NCKAP5: variants seen among roughly 807,000 people sequenced by gnomAD.
NCKAP5 encodes NCK associated protein 5.
NCKAP5 carries 92 observed loss-of-function variants against 167.0 expected under a neutral mutation model. That is an observed-to-expected ratio of 0.55 (90% confidence interval 0.47 to 0.66). The LOEUF is 0.66. Among genes scored for constraint, NCKAP5 ranks in the 30% least tolerant of loss-of-function variants. The pLI is 0.00. For missense variants in NCKAP5, 2,378 were observed against 2,315.0 expected (o/e 1.03, Z -0.56); for synonymous variants, 891 against 877.4 (o/e 1.02, Z -0.27).
chr2:133,426,464 G>C (rs1263755945), intron 3 of NCKAP5, among the ~76,000 whole-genome samples: 2 of 141,460 alleles, frequency 1.4e-5, no homozygotes, highest in Non-Finnish European at 3.1e-5. Context: ...AAAAGACATA[G>C]AGGGGCTATT....
intron 8 of NCKAP5, among the ~76,000 whole-genome samples, chr2:132,961,188 A>T (rs2149195133): frequency 6.6e-6 from 1 of 152,166 alleles, no homozygotes; most frequent in East Asian, 1.9e-4. Context: ...TTCCTACAAT[A>T]ATGTTTAACC....
rs972980479 is a variant in NCKAP5, at chr2:132,975,340, G to A, written c.430-11471C>T. Among the ~76,000 whole-genome samples, 9 of 151,986 alleles carry A rather than the reference G, an allele frequency of 5.9e-5. 1 individual carries two copies. In the South Asian group the frequency reaches 8.3e-4, roughly 14 times the overall value. ...CTTTATGTCTGTAATATGAACCCACGACCACTGACATATCAATCCACATCT... is the reference window on the plus strand; with the variant it reads ...CTTTATGTCTGTAATATGAACCCACAACCACTGACATATCAATCCACATCT... On this transcript the variant is annotated intron_variant, in intron 7 of 19. Coordinates refer to ENST00000409261, the MANE Select transcript of NCKAP5 (RefSeq NM_207363.3).
chr2:133,274,388 A>G (rs1395623976), intron 4 of NCKAP5, among the ~76,000 whole-genome samples: 1 of 152,066 alleles, frequency 6.6e-6, no homozygotes, highest in East Asian at 1.9e-4. Flanking sequence ...AAAAGAATGG[A>G]GTAAATAGTA....
At chr2:133,338,106 T>A (rs187562544) in intron 3 of NCKAP5, among the ~76,000 whole-genome samples, 3 of 152,024 alleles carry the variant, frequency 2.0e-5, no homozygotes, top group Non-Finnish European at 2.9e-5. Flanking sequence ...AGCTGAATTA[T>A]ATGGGTCTAT....
At chr2:132,769,800 C>G (rs371643333) in intron 16 of NCKAP5, among the ~76,000 whole-genome samples, 1 of 152,186 alleles carries the variant, frequency 6.6e-6, no homozygotes, top group East Asian at 1.9e-4. Flanking sequence ...TATGGGGGAA[C>G]TCTAGTGATG....
intron 3 of NCKAP5, among the ~76,000 whole-genome samples, chr2:133,435,898 C>A (rs545784322): frequency 2.4e-4 from 37 of 152,280 alleles, no homozygotes; most frequent in East Asian, 5.8e-4. Context: ...CTTTCCATGG[C>A]TGACCTTGAG....
chr2:133,635,181 T>C, the NCKAP5 span, among the ~76,000 whole-genome samples: 3 of 152,174 alleles, frequency 2.0e-5, no homozygotes, highest in African/African-American at 4.8e-5. Flanking sequence ...GCTGTATTTT[T>C]ATTTTCTAAG....
At chr2:133,149,874 C>T (rs1053561814) in intron 5 of NCKAP5, among the ~76,000 whole-genome samples, 1 of 152,082 alleles carries the variant, frequency 6.6e-6, no homozygotes, top group Non-Finnish European at 1.5e-5. Context: ...ATTAACTGTT[C>T]TATGTTAACA....
intron 4 of NCKAP5, among the ~76,000 whole-genome samples, chr2:133,271,142 C>G: frequency 6.6e-6 from 1 of 150,702 alleles, no homozygotes; most frequent in Non-Finnish European, 1.5e-5. Flanking sequence ...TCGTGTTAGC[C>G]AGGATGGTCT....
chr2:133,454,267 C>T (rs1253500115), intron 3 of NCKAP5, among the ~76,000 whole-genome samples: 1 of 151,930 alleles, frequency 6.6e-6, no homozygotes, highest in Non-Finnish European at 1.5e-5. Flanking sequence ...CTATAAAGCA[C>T]TGGTGACTTA....
At chr2:133,192,905 A>G (rs1221046334) in intron 5 of NCKAP5, among the ~76,000 whole-genome samples, 1 of 152,118 alleles carries the variant, frequency 6.6e-6, no homozygotes, top group Non-Finnish European at 1.5e-5. Context: ...TTGATCTCAG[A>G]GAAATGAAAA....
At position 133,462,647 on chromosome 2, in the gene NCKAP5, T is replaced by C. The variant is rs546785010; in HGVS notation, c.69+54811A>G. 2.6e-5 allele frequency among the ~76,000 whole-genome samples: 4 copies of C among 152,262 alleles called. No individual in the cohort carries two copies. In the South Asian group the frequency reaches 6.2e-4, roughly 24 times the overall value. ...TTACTACTGAGTCTTGTGTGTTATA[T>C]CATACACAGAACTTGGATTTCTTGA... is the stretch of plus-strand genomic sequence containing the variant. On this transcript the variant is annotated intron_variant, in intron 3 of 19. Transcript: ENST00000409261.
At chr2:133,357,877 T>C (rs1029090843) in intron 3 of NCKAP5, among the ~76,000 whole-genome samples, 1 of 152,234 alleles carries the variant, frequency 6.6e-6, no homozygotes, top group Non-Finnish European at 1.5e-5. Flanking sequence ...TTTCTACAGA[T>C]AGAATTTCAT....
chr2:133,668,750 T>C, the NCKAP5 span, among the ~76,000 whole-genome samples: 2 of 152,232 alleles, frequency 1.3e-5, no homozygotes, highest in African/African-American at 4.8e-5. Flanking sequence ...TGTAGATGTA[T>C]ATCTTTCATC....
intron 4 of NCKAP5, among the ~76,000 whole-genome samples, chr2:133,273,928 C>G (rs1442501437): frequency 3.3e-5 from 5 of 150,122 alleles, no homozygotes; most frequent in African/African-American, 1.2e-4. Context: ...TTTCACCTCC[C>G]CAGGAATAAA....
rs116240141 is a variant in NCKAP5, at chr2:132,720,609, G to A, written c.5713+5018C>T. 2.9e-3 allele frequency among the ~76,000 whole-genome samples: 448 copies of A among 152,288 alleles called. 1 individual carries two copies. The highest frequency in any genetic ancestry group is 0.01 in the African/African-American group (421 of 41,574). ...AGGGAAGGAGCCAGGGCCAATGGGA[G>A]TGGGTGGTGGGAGGGCACAGGAGAC... On this transcript the variant is annotated intron_variant, in intron 19 of 19. Transcript: ENST00000409261.
At chr2:133,274,261 T>G (rs771652404) in intron 4 of NCKAP5, among the ~76,000 whole-genome samples, 1 of 151,660 alleles carries the variant, frequency 6.6e-6, no homozygotes, top group Non-Finnish European at 1.5e-5. Flanking sequence ...TTATTAGAAG[T>G]GTATACTTTT....
Position 133,544,091 on chromosome 2 carries a change from C to T in NCKAP5, c.-62+14959G>A, listed in dbSNP as rs142219586. Among the ~76,000 whole-genome samples the T allele has an allele frequency of 1.2e-4, 18 of 152,292 alleles. No individual in the cohort carries two copies. The East Asian group carries it at 3.5e-3, about 29-fold the overall frequency. On this transcript the variant is annotated intron_variant, in intron 2 of 19. Coordinates refer to ENST00000409261, the MANE Select transcript of NCKAP5 (RefSeq NM_207363.3). ...TAGCTGATGATTTGTATCTTAACAG[C>T]GTTGATTTGTATCTTGAATTAAAAT...
intron 8 of NCKAP5, among the ~76,000 whole-genome samples, chr2:132,909,075 G>C (rs915798614): frequency 1.3e-5 from 2 of 152,162 alleles, no homozygotes; most frequent in African/African-American, 4.8e-5. Context: ...GGCCAGGTGC[G>C]GTGGCTCATG....
Sources: gnomAD v4.1 joint callset for allele counts (sites outside exome capture counted in the v4.1 genomes callset) on GRCh38, gnomAD v4.1.1 for gene constraint, MANE v1.5 for transcripts, NCBI Gene and HGNC (gene_info 2026-07-23, HGNC 2026-07-21) for gene names.